The following DPP6 variants were observed in gnomAD, a reference collection of about 807,000 sequenced individuals.
DPP6 encodes the protein A-type potassium channel modulatory protein DPP6.
A neutral mutation model predicts 122.6 loss-of-function variants in DPP6; 69 were observed. That is an observed-to-expected ratio of 0.56 (90% CI 0.46 to 0.69). The LOEUF (loss-of-function observed/expected upper bound fraction) is 0.69, where lower values mean the gene tolerates loss of function less well. Ranked by LOEUF, DPP6 falls within the 30% of genes least tolerant of loss-of-function variation. DPP6 has a pLI of 0.00. For missense variants in DPP6, 928 were observed against 1,116.9 expected (o/e 0.83, Z 2.41); for synonymous variants, 418 against 433.1 (o/e 0.97, Z 0.43).
At chr7:154,090,175 C>T (rs971865493) in intron 1 of DPP6, among the ~76,000 whole-genome samples, 13 of 151,794 alleles carry the variant, frequency 8.6e-5, no homozygotes, top group African/African-American at 1.7e-4. Flanking sequence ...TTCGTTGGGT[C>T]GTGAGCAGCA....
chr7:153,920,861 T>G (rs1800607162), intron 1 of DPP6, among the ~76,000 whole-genome samples: 2 of 151,998 alleles, frequency 1.3e-5, no homozygotes, highest in South Asian at 2.1e-4. Context: ...GCCTGGCCCT[T>G]TCTTACACGT....
intron 8 of DPP6, among the ~76,000 whole-genome samples, chr7:154,761,694 C>A (rs1012122168): frequency 2.0e-5 from 3 of 149,782 alleles, no homozygotes; most frequent in African/African-American, 4.9e-5. Context: ...AGGCACCACA[C>A]TTTTTTTTTT....
chr7:154,378,059 G>A (rs1813281488), intron 1 of DPP6, among the ~76,000 whole-genome samples: 1 of 152,150 alleles, frequency 6.6e-6, no homozygotes, highest in African/African-American at 2.4e-5. Flanking sequence ...AAACTTACTG[G>A]CATATAGAAA....
intron 1 of DPP6, among the ~76,000 whole-genome samples, chr7:154,077,427 A>G (rs1284075068): frequency 6.6e-6 from 1 of 152,126 alleles, no homozygotes; most frequent in East Asian, 1.9e-4. Flanking sequence ...CCTTATTTAT[A>G]GTTCTGTGGA....
intron 1 of DPP6, among the ~76,000 whole-genome samples, chr7:154,001,618 G>C (rs1797696327): frequency 6.6e-6 from 1 of 152,048 alleles, no homozygotes; most frequent in South Asian, 2.1e-4. Context: ...AAAATGTTAA[G>C]GCATATTAGG....
chr7:154,334,536 C>T (rs1454872958), intron 1 of DPP6, among the ~76,000 whole-genome samples: 1 of 152,186 alleles, frequency 6.6e-6, no homozygotes, highest in East Asian at 1.9e-4. Flanking sequence ...TGTCTGGAGT[C>T]TAGTTGCTGC....
At chr7:153,956,247 G>T (rs528276655) in intron 1 of DPP6, among the ~76,000 whole-genome samples, 66 of 152,206 alleles carry the variant, frequency 4.3e-4, no homozygotes, top group African/African-American at 1.5e-3. Flanking sequence ...CACCTGCAGG[G>T]GTGCTCAGTG....
Position 154,255,197 on chromosome 7 carries a change from G to A in DPP6, c.244-191017G>A, listed in dbSNP as rs568382913. On this transcript the variant is annotated intron_variant, in intron 1 of 25. Coordinates refer to ENST00000377770, the MANE Select transcript of DPP6 (RefSeq NM_130797.4). Reference sequence around the variant, plus strand: ...GGAGGCACAGGCGGCTGTGGTGGAGGGGTGCTGGGGCTGAGGTCCAGTGAG... The same window carrying A: ...GGAGGCACAGGCGGCTGTGGTGGAGAGGTGCTGGGGCTGAGGTCCAGTGAG... 1.6e-3 allele frequency among the ~76,000 whole-genome samples: 251 copies of A among 152,148 alleles called. 1 individual carries two copies. The highest frequency in any genetic ancestry group is 9.7e-4 in the East Asian group (5 of 5,150).
chr7:154,359,343 C>G (rs920653619), intron 1 of DPP6, among the ~76,000 whole-genome samples: 1 of 152,286 alleles, frequency 6.6e-6, no homozygotes. Flanking sequence ...AGCACCCCTG[C>G]CCCGGAGGAG....
chr7:154,250,253 C>T (rs1014897941), intron 1 of DPP6, among the ~76,000 whole-genome samples: 1 of 152,146 alleles, frequency 6.6e-6, no homozygotes, highest in African/African-American at 2.4e-5. Context: ...GCCCTTCCTT[C>T]TTCAACTCGG....
rs138683221 is a variant in DPP6 at position 154,684,145 on chromosome 7, A to G, written c.762+14704A>G. 7.6e-3 allele frequency among the ~76,000 whole-genome samples: 1,159 copies of G among 152,286 alleles called. 13 individuals carry two copies. Among genetic ancestry groups the G allele is most frequent in the Middle Eastern group, 0.041 (12 of 294 alleles). On this transcript the variant is annotated intron_variant, in intron 7 of 25. Transcript: ENST00000377770. ...CAACCTCCCAAAGTGCTGGGATTAC[A>G]GGCATGAGCCACTGTGCCCAGCCCA...
chr7:154,519,451 C>T lies in DPP6; in HGVS notation c.458-21081C>T, dbSNP rs774284623. ...ACGTTTGTGACACATGCCAGATCTT[C>T]TCAGAAAGAAACAGTGCACCACAGC... On this transcript the variant is annotated intron_variant, in intron 3 of 25. Coordinates refer to ENST00000377770, the MANE Select transcript of DPP6 (RefSeq NM_130797.4). 1.2e-4 allele frequency among the ~76,000 whole-genome samples: 18 copies of T among 152,234 alleles called. 1 individual carries two copies. Among genetic ancestry groups the T allele is most frequent in the Non-Finnish European group, 2.5e-4 (17 of 68,046 alleles).
At chr7:154,467,212 G>A (rs34852862) in intron 2 of DPP6, among the ~76,000 whole-genome samples, 25,362 of 152,160 alleles carry the variant, frequency 0.17, 2,245 homozygotes, top group East Asian at 0.26. Flanking sequence ...ATGAATGGCA[G>A]CTTGAGATTG....
At chr7:153,764,781 C>T in the DPP6 span, among the ~76,000 whole-genome samples, 3 of 151,182 alleles carry the variant, frequency 2.0e-5, no homozygotes, top group Middle Eastern at 9.6e-3. Flanking sequence ...CCATGTAGTT[C>T]ACTTCTGGCT....
chr7:153,796,459 T>C, the DPP6 span, among the ~76,000 whole-genome samples: 8 of 149,112 alleles, frequency 5.4e-5, no homozygotes, highest in Non-Finnish European at 1.2e-4. Context: ...TGATGTTTGG[T>C]GAATGATTTG....
At chr7:154,454,210 G>C (rs1315677785) in intron 2 of DPP6, among the ~76,000 whole-genome samples, 3 of 152,218 alleles carry the variant, frequency 2.0e-5, no homozygotes, top group Non-Finnish European at 4.4e-5. Context: ...TGGGGCATCT[G>C]CTCTGTGAGT....
the DPP6 span, among the ~76,000 whole-genome samples, chr7:153,827,112 T>C: frequency 6.6e-6 from 1 of 152,138 alleles, no homozygotes; most frequent in African/African-American, 2.4e-5. Flanking sequence ...AGTCATTAAA[T>C]GATAAAATAT....
chr7:154,615,946 T>C (rs1234255257), intron 5 of DPP6, among the ~76,000 whole-genome samples: 1 of 152,224 alleles, frequency 6.6e-6, no homozygotes, highest in Non-Finnish European at 1.5e-5. Flanking sequence ...CCCAGGAGTT[T>C]GCCTATTCCA....
chr7:153,772,205 T>A, the DPP6 span, among the ~76,000 whole-genome samples: 3 of 152,142 alleles, frequency 2.0e-5, no homozygotes, highest in Non-Finnish European at 4.4e-5. Context: ...TGCCTCAGCC[T>A]CCTGAGTAGC....
Sources: allele counts gnomAD v4.1 joint callset (sites outside exome capture counted in the v4.1 genomes callset), GRCh38; gene constraint gnomAD v4.1.1; transcripts MANE v1.5; gene names NCBI Gene and HGNC (gene_info 2026-07-23, HGNC 2026-07-21).